WDPCP: variants seen among roughly 807,000 people sequenced by gnomAD.
WDPCP encodes WD repeat containing planar cell polarity effector, also known as WD repeat-containing and planar cell polarity effector protein fritz homolog.
WDPCP carries 71 observed loss-of-function variants against 93.1 expected under a neutral mutation model. The observed-to-expected ratio is 0.76, with a 90% CI of 0.63 to 0.93. The LOEUF (loss-of-function observed/expected upper bound fraction) is 0.93. Ranked by LOEUF, WDPCP falls within the 40% of genes least tolerant of loss-of-function variation. The pLI, the probability that WDPCP is intolerant of heterozygous loss-of-function variation, is 0.00. For missense variants in WDPCP, 844 were observed against 887.4 expected, an observed-to-expected ratio of 0.95 and a Z score of 0.62; for synonymous variants, 315 against 315.0, an observed-to-expected ratio of 1.00 and a Z score of 0.00.
chr2:63,452,153 T>A (rs1267974612), intron 6 of WDPCP, among the ~76,000 whole-genome samples: 1 of 152,160 alleles, frequency 6.6e-6, no homozygotes, highest in Non-Finnish European at 1.5e-5. Context: ...AGTCAAATTG[T>A]CCCTGTTTGC....
chr2:63,321,934 A>G (rs938263333), intron 12 of WDPCP, among the ~76,000 whole-genome samples: 2 of 152,206 alleles, frequency 1.3e-5, no homozygotes, highest in African/African-American at 4.8e-5. Context: ...ATTGACACAA[A>G]AAAAGCTGTA....
In WDPCP at chr2:63,437,453, T is replaced by C. The variant is rs1376686758; in HGVS notation, c.601A>G (p.Arg201Gly). 6.2e-7 allele frequency: 1 copy of C among 1,604,428 alleles called. No individual in the cohort carries two copies. The highest frequency in any genetic ancestry group is 8.5e-7 in the Non-Finnish European group (1 of 1,175,400). The change falls in exon 8 of 18, where the codon AGA becomes GGA. Residue 201 changes from arginine (R) to glycine (G), a missense_variant. Transcript: ENST00000272321. Reference sequence around the variant, plus strand: ...TCCAAGGCTGAGAGTTTTTCCAGTCTTTTGTTTACATCAGAAGACTCCATC... The same window carrying C: ...TCCAAGGCTGAGAGTTTTTCCAGTCCTTTGTTTACATCAGAAGACTCCATC... ...KKMESSDVNKRLEKLSALDYK... is the reference protein window; with the variant it reads ...KKMESSDVNKGLEKLSALDYK...
intron 13 of WDPCP, among the ~76,000 whole-genome samples, chr2:63,304,046 A>G (rs2103800867): frequency 6.6e-6 from 1 of 152,008 alleles, no homozygotes; most frequent in East Asian, 1.9e-4. Flanking sequence ...TGGGAATGTG[A>G]ATTAGTACTA....
chr2:63,776,074 T>TATACATATATAC (rs1553455597), intron 2 of WDPCP, among the ~76,000 whole-genome samples: 9 of 146,804 alleles, frequency 6.1e-5, no homozygotes, highest in African/African-American at 2.3e-4. Context: ...TAAATACACA[T>TATACATATATAC]ATACATACAT....
chr2:63,387,113 AG>A (rs1192294712), intron 10 of WDPCP, among the ~76,000 whole-genome samples: 16 of 152,222 alleles, frequency 1.1e-4, no homozygotes, highest in Admixed American at 3.3e-4. Context: ...ATGAGAAGGA[AG>A]GACTCCCTAA....
At chr2:63,418,583 T>C (rs1452942947) in intron 9 of WDPCP, among the ~76,000 whole-genome samples, 1 of 152,196 alleles carries the variant, frequency 6.6e-6, no homozygotes, top group South Asian at 2.1e-4. Context: ...TTCTGAAATC[T>C]AATAACTAAA....
At chr2:63,347,486 A>G (rs1401911151) in intron 12 of WDPCP, among the ~76,000 whole-genome samples, 1 of 152,216 alleles carries the variant, frequency 6.6e-6, no homozygotes, top group Non-Finnish European at 1.5e-5. Context: ...GGAGCCTGGC[A>G]GTCTTGCTCC....
At chr2:63,358,393 G>C (rs1029336338) in intron 12 of WDPCP, among the ~76,000 whole-genome samples, 4 of 151,884 alleles carry the variant, frequency 2.6e-5, no homozygotes, top group Non-Finnish European at 5.9e-5. Context: ...TGTCTTATTG[G>C]ATACAACACT....
rs1258682652 is a variant in WDPCP, at chr2:63,221,844, G to A, written c.1915+37463C>T. Among the ~76,000 whole-genome samples the A allele has an allele frequency of 3.9e-5, 6 of 152,118 alleles. No homozygotes were observed. In the East Asian group the frequency reaches 1.2e-3, roughly 29 times the overall value. ...TAGAGAATTTATGACCAGAACTCAA[G>A]CAAAACCTTGTATTTTTTTGAGAAA... On this transcript the variant is annotated intron_variant, in intron 14 of 17. Coordinates refer to ENST00000272321, the MANE Select transcript of WDPCP (RefSeq NM_015910.7).
At chr2:63,294,905 AC>A (rs1684728125) in intron 13 of WDPCP, among the ~76,000 whole-genome samples, 1 of 152,196 alleles carries the variant, frequency 6.6e-6, no homozygotes, top group African/African-American at 2.4e-5. Context: ...TGGTAATACT[AC>A]ATTTTATATT....
chr2:63,161,618 A>G (rs1476941054), intron 15 of WDPCP, among the ~76,000 whole-genome samples: 1 of 152,200 alleles, frequency 6.6e-6, no homozygotes, highest in Non-Finnish European at 1.5e-5. Flanking sequence ...CTTAAAGTGA[A>G]TCAATTTAAA....
At chr2:63,605,197 C>T in intron 3 of WDPCP, 1 of 893,194 alleles carries the variant, frequency 1.1e-6, no homozygotes, top group Non-Finnish European at 1.8e-6. Context: ...CATAGCTTTT[C>T]ACCCCAAGGT....
upstream of WDPCP, among the ~76,000 whole-genome samples, chr2:63,829,098 T>C (rs1671157357): frequency 6.6e-6 from 1 of 152,092 alleles, no homozygotes; most frequent in Admixed American, 6.6e-5. Flanking sequence ...AACATAAAAA[T>C]GCAGCCAAAC....
chr2:63,321,582 G>A (rs1687097569), intron 12 of WDPCP, among the ~76,000 whole-genome samples: 1 of 151,972 alleles, frequency 6.6e-6, no homozygotes, highest in South Asian at 2.1e-4. Context: ...TCTGCTTTAC[G>A]AAGATTCCTA....
chr2:63,216,803 T>G (rs1382663614), intron 14 of WDPCP, among the ~76,000 whole-genome samples: 2 of 152,240 alleles, frequency 1.3e-5, no homozygotes, highest in African/African-American at 4.8e-5. Context: ...GCTTAGGAAA[T>G]TTTTTAATGA....
At chr2:63,527,105 G>A (rs1703395648) in intron 1 of WDPCP, among the ~76,000 whole-genome samples, 1 of 152,036 alleles carries the variant, frequency 6.6e-6, no homozygotes, top group African/African-American at 2.4e-5. Flanking sequence ...TAATTCTCTA[G>A]AAGTCTCTCA....
chr2:63,729,735 A>G (rs1558896631), intron 2 of WDPCP, among the ~76,000 whole-genome samples: 1 of 152,196 alleles, frequency 6.6e-6, no homozygotes, highest in Non-Finnish European at 1.5e-5. Context: ...CCCCCAGACT[A>G]AAGGGATACA....
At chr2:63,249,978 T>A (rs1680588714) in intron 14 of WDPCP, among the ~76,000 whole-genome samples, 1 of 152,188 alleles carries the variant, frequency 6.6e-6, no homozygotes, top group Admixed American at 6.5e-5. Context: ...CACAATGTCA[T>A]GGATAGAGGA....
chr2:63,602,728 T>A (rs984380436), intron 3 of WDPCP, among the ~76,000 whole-genome samples: 1 of 152,132 alleles, frequency 6.6e-6, no homozygotes, highest in Admixed American at 6.6e-5. Flanking sequence ...TTTTCTGCAC[T>A]CCACCTCTAT....
Sources: gnomAD v4.1 joint callset for allele counts (sites outside exome capture counted in the v4.1 genomes callset) on GRCh38, gnomAD v4.1.1 for gene constraint, MANE v1.5 for transcripts, NCBI Gene and HGNC (gene_info 2026-07-23, HGNC 2026-07-21) for gene names.